The following SGSM2 variants were observed in gnomAD, a reference collection of about 807,000 sequenced individuals.
SGSM2 encodes RUN and TBC1 domain containing 1.
In SGSM2, 89 loss-of-function variants were observed where a neutral mutation model predicts 126.6. The ratio of observed to expected loss-of-function variants is 0.70; its 90% CI spans 0.59 to 0.84. SGSM2 has a LOEUF of 0.84. SGSM2 is among the 40% of genes least tolerant of loss of function. SGSM2 has a pLI of 0.00. For missense variants in SGSM2, 1,404 were observed against 1,416.6 expected, an observed-to-expected ratio of 0.99 and a Z score of 0.14; for synonymous variants, 614 against 574.3, an observed-to-expected ratio of 1.07 and a Z score of -0.99.
At chr17:2,368,338 C>T (rs1371862183) in intron 12 of SGSM2, among the ~76,000 whole-genome samples, 1 of 152,152 alleles carries the variant, frequency 6.6e-6, no homozygotes, top group Non-Finnish European at 1.5e-5. Context: ...GGGATGGGTG[C>T]TCCAGAAAGG....
At chr17:2,375,297 CAG>C in intron 17 of SGSM2, 193 bp from the exon 18 acceptor site, 1 of 615,408 alleles carries the variant, frequency 1.6e-6, no homozygotes, top group Non-Finnish European at 2.7e-6. Flanking sequence ...CATGTTTGGC[CAG>C]AGGCTTGTTT....
In SGSM2 at chr17:2,380,264, G is replaced by C. The variant is rs1180963847; in HGVS notation, c.*744G>C. On this transcript the variant is annotated 3_prime_UTR_variant, in exon 24 of 24. Coordinates refer to ENST00000268989, the MANE Select transcript of SGSM2 (RefSeq NM_014853.3). Reference sequence around the variant, plus strand: ...CACCCCACCCTTGCGTTCTGCATTAGGTACTTCCCTGAAAACCACGTGTAA... The same window carrying C: ...CACCCCACCCTTGCGTTCTGCATTACGTACTTCCCTGAAAACCACGTGTAA... 2 of 1,535,910 alleles carry C rather than the reference G, an allele frequency of 1.3e-6. No homozygotes were observed. The highest frequency in any genetic ancestry group is 2.7e-5 in the African/African-American group (2 of 73,030).
chr17:2,375,372 C>A, intron 17 of SGSM2, 120 bp from the exon 18 acceptor site: 1 of 1,294,224 alleles, frequency 7.7e-7, no homozygotes, highest in South Asian at 1.5e-5. Flanking sequence ...GTGTTGGAGG[C>A]TGTGGTGGGA....
chr17:2,375,578 C>T lies in SGSM2; in HGVS notation c.2187C>T (p.Pro729=), dbSNP rs61739394. ...CAAAACCTGAGCAGGAAGCAGGACCCGGGACTCCGGGCACCGCCGTGGTGG... is the reference window on the plus strand; with the variant it reads ...CAAAACCTGAGCAGGAAGCAGGACCTGGGACTCCGGGCACCGCCGTGGTGG... ...SRPKPEQEAG[P]GTPGTAVVEQ... The change falls in exon 18 of 24, where the codon CCC becomes CCT. Residue 729 remains proline, a synonymous_variant. Coordinates refer to ENST00000268989, the MANE Select transcript of SGSM2 (RefSeq NM_014853.3). The T allele has an allele frequency of 2.2e-3, 3,496 of 1,613,850 alleles. 77 individuals are homozygous for T. In the African/African-American group the frequency reaches 0.038, roughly 17 times the overall value.
At chr17:2,369,400 G>C (rs1164357423) in intron 12 of SGSM2, among the ~76,000 whole-genome samples, 1 of 152,180 alleles carries the variant, frequency 6.6e-6, no homozygotes, top group African/African-American at 2.4e-5. Context: ...CTTAGGGGCT[G>C]TGGGGTTCGC....
At chr17:2,346,366 T>C (rs2064598040) in intron 2 of SGSM2, among the ~76,000 whole-genome samples, 1 of 152,108 alleles carries the variant, frequency 6.6e-6, no homozygotes, top group South Asian at 2.1e-4. Flanking sequence ...GCCTAGGCAA[T>C]ACAAGCTTCT....
At chr17:2,376,560 G>A in intron 19 of SGSM2, 173 bp from the exon 20 acceptor site, 2 of 762,752 alleles carry the variant, frequency 2.6e-6, no homozygotes, top group Non-Finnish European at 4.3e-6. Flanking sequence ...GCCTTGGGGG[G>A]GACCCGTGGG....
At chr17:2,378,563 G>A (rs2066282288) in intron 22 of SGSM2, among the ~76,000 whole-genome samples, 1 of 151,936 alleles carries the variant, frequency 6.6e-6, no homozygotes, top group South Asian at 2.1e-4. Context: ...AGAAAAAATT[G>A]AAAAGAAAAC....
At chr17:2,365,153 G>A in intron 10 of SGSM2, 62 bp from the exon 11 acceptor site, 1 of 1,590,464 alleles carries the variant, frequency 6.3e-7, no homozygotes, top group Non-Finnish European at 8.6e-7. Flanking sequence ...GAGCGGCCTT[G>A]TGTGGAACCC....
chr17:2,339,262 C>T (rs1409641569), intron 1 of SGSM2, among the ~76,000 whole-genome samples: 1 of 150,390 alleles, frequency 6.6e-6, no homozygotes, highest in East Asian at 2.0e-4. Context: ...CCCATCTCTA[C>T]TGAAAAAAAC....
chr17:2,338,458 A>G (rs2064188413), intron 1 of SGSM2, among the ~76,000 whole-genome samples: 1 of 152,076 alleles, frequency 6.6e-6, no homozygotes, highest in African/African-American at 2.4e-5. Flanking sequence ...GGCAGTGACC[A>G]TGTGAATGAC....
intron 17 of SGSM2, 161 bp from the exon 18 acceptor site, chr17:2,375,331 T>G: frequency 2.3e-6 from 2 of 859,224 alleles, no homozygotes; most frequent in African/African-American, 1.7e-5. Flanking sequence ...GCTGGCTGGG[T>G]CAGAAGCTGG....
chr17:2,376,586 TC>T (rs2066167460), intron 19 of SGSM2, 146 bp from the exon 20 acceptor site: 1 of 889,130 alleles, frequency 1.1e-6, no homozygotes, highest in South Asian at 1.5e-5. Context: ...CCCCGTTGTC[TC>T]CCTGTGGGGG....
In SGSM2 at chr17:2,379,146, C is replaced by A. The variant is rs867998099; in HGVS notation, c.3010C>A (p.Arg1004=). The A allele has an allele frequency of 5.0e-6, 8 of 1,614,172 alleles. No homozygotes were observed. The highest frequency in any genetic ancestry group is 5.9e-6 in the Non-Finnish European group (7 of 1,180,034). The change falls in exon 23 of 24, where the codon CGA becomes AGA. Residue 1004 remains arginine (R), a synonymous_variant. Coordinates refer to ENST00000268989, the MANE Select transcript of SGSM2 (RefSeq NM_014853.3). Reference sequence around the variant, plus strand: ...CGCCCTCGCCCTGGTGGAGGCCTACCGAGAGATCATCCGTGACAACAACAT... The same window carrying A: ...CGCCCTCGCCCTGGTGGAGGCCTACAGAGAGATCATCCGTGACAACAACAT... ...FIALALVEAY[R]EIIRDNNMDF...
At chr17:2,370,644 C>T (rs1450173074) in intron 12 of SGSM2, among the ~76,000 whole-genome samples, 1 of 152,242 alleles carries the variant, frequency 6.6e-6, no homozygotes, top group East Asian at 1.9e-4. Context: ...AGAAAGGGGC[C>T]ATAGGAGCTG....
In SGSM2 at chr17:2,378,921, CCAGCCTCAGCCT is replaced by C. The variant is rs368736242; in HGVS notation, c.2900-103_2900-92del. ...AGTCCGGCCAGCATCAGCCCCAGCCCCAGCCTCAGCCTCAGCCTCAGCCCCAGCCTCAATCCC... is the reference window on the plus strand; with the variant it reads ...AGTCCGGCCAGCATCAGCCCCAGCCCCAGCCTCAGCCCCAGCCTCAATCCC... On this transcript the variant is annotated intron_variant, in intron 22 of 23. Transcript: ENST00000268989. The C allele has an allele frequency of 1.5e-4, 200 of 1,298,552 alleles. 2 individuals carry two copies. The East Asian group carries it at 4.8e-3, about 31-fold the overall frequency. 80.4% of individuals were successfully genotyped at this position (1,298,552 alleles called of 1,614,324 possible).
chr17:2,340,863 C>G (rs939825627), intron 1 of SGSM2, among the ~76,000 whole-genome samples: 1 of 152,220 alleles, frequency 6.6e-6, no homozygotes, highest in South Asian at 2.1e-4. Context: ...GGATTATAGT[C>G]GTGAGCCACC....
In SGSM2 at chr17:2,373,490, C is replaced by T. The variant is rs1158723972; in HGVS notation, c.2077C>T (p.Arg693Ter). The T allele has an allele frequency of 1.3e-6, 2 of 1,597,366 alleles. No individual in the cohort carries two copies. The highest frequency in any genetic ancestry group is 1.7e-6 in the Non-Finnish European group (2 of 1,176,110). ...CAGCCACGTGCAGCGCCTCATCCAC[C>T]GAGACTCCACCATCAGCAACGATGT... ...IDSHVQRLIH[R>*]DSTISNDVFI... is the part of the protein sequence containing the mutation. Residue 693 changes from arginine to a stop codon, truncating the protein, a stop_gained, in exon 17 of 24, where the codon CGA becomes TGA. Coordinates refer to ENST00000268989, the MANE Select transcript of SGSM2 (RefSeq NM_014853.3). LOFTEE classifies it high-confidence loss of function.
chr17:2,338,942 C>T (rs927311748), intron 1 of SGSM2, among the ~76,000 whole-genome samples: 14 of 151,470 alleles, frequency 9.2e-5, no homozygotes, highest in African/African-American at 2.9e-4. Context: ...GCCTGTAATC[C>T]CAGCTACCCG....
Sources: allele counts gnomAD v4.1 joint callset (sites outside exome capture counted in the v4.1 genomes callset), GRCh38; gene constraint gnomAD v4.1.1; transcripts MANE v1.5; gene names NCBI Gene and HGNC (gene_info 2026-07-23, HGNC 2026-07-21).